The following UBE2K variants were observed in gnomAD, a reference collection of about 807,000 sequenced individuals.
UBE2K encodes ubiquitin-conjugating enzyme E2 K.
A neutral mutation model predicts 30.0 loss-of-function variants in UBE2K; 6 were observed. The ratio of observed to expected loss-of-function variants is 0.20; its 90% CI spans 0.11 to 0.39. The LOEUF (loss-of-function observed/expected upper bound fraction) is 0.39. Among genes scored for constraint, UBE2K ranks in the 10% least tolerant of loss-of-function variants. The pLI, the probability that UBE2K is intolerant of heterozygous loss-of-function variation, is 1.00. For missense variants in UBE2K, 61 were observed against 241.6 expected (o/e 0.25, Z 4.96); for synonymous variants, 86 against 83.7 (o/e 1.03, Z -0.15).
intron 1 of UBE2K, among the ~76,000 whole-genome samples, chr4:39,703,089 T>G (rs4403062): frequency 0.3 from 45,336 of 151,864 alleles, 8,675 homozygotes; most frequent in African/African-American, 0.54. Context: ...CACCTCCTGG[T>G]TGCAAGCCAT....
intron 1 of UBE2K, among the ~76,000 whole-genome samples, chr4:39,727,780 G>A (rs757708430): frequency 3.9e-5 from 6 of 152,058 alleles, no homozygotes; most frequent in African/African-American, 7.2e-5. Context: ...ATTGTGTCAT[G>A]GTGTAAATGG....
chr4:39,770,968 G>A lies in UBE2K; in HGVS notation c.300-3866G>A. ...CTTCGGGGCTGGCTTTGGGGTCCTG[G>A]CTGGAGGGAGGAGGGACTTGTTGGC... On this transcript the variant is annotated intron_variant, in intron 4 of 6. Transcript: ENST00000261427. 4 of 1,596,878 alleles carry A rather than the reference G, an allele frequency of 2.5e-6. No homozygotes were observed. The South Asian group carries it at 4.5e-5, about 18-fold the overall frequency.
At chr4:39,728,253 G>C (rs771236909) in intron 1 of UBE2K, among the ~76,000 whole-genome samples, 133 of 152,164 alleles carry the variant, frequency 8.7e-4, no homozygotes, top group Non-Finnish European at 1.6e-3. Flanking sequence ...TGGTAAGCAC[G>C]TAAGTTTGTT....
chr4:39,734,159 G>A (rs1390630469), intron 1 of UBE2K, among the ~76,000 whole-genome samples: 2 of 144,660 alleles, frequency 1.4e-5, no homozygotes, highest in Non-Finnish European at 3.0e-5. Context: ...AAACTGGAGT[G>A]CAATGGCGAA....
At chr4:39,752,112 C>T (rs1005048688) in intron 3 of UBE2K, among the ~76,000 whole-genome samples, 5 of 152,282 alleles carry the variant, frequency 3.3e-5, no homozygotes, top group Admixed American at 2.6e-4. Flanking sequence ...TACTAAACCA[C>T]ATGGGGTTTT....
intron 3 of UBE2K, among the ~76,000 whole-genome samples, chr4:39,751,823 C>T (rs752422327): frequency 1.3e-5 from 2 of 152,046 alleles, no homozygotes; most frequent in Admixed American, 1.3e-4. Flanking sequence ...AAAAATTAGT[C>T]GGGTGTGGTG....
At chr4:39,711,373 T>G (rs911914880) in intron 1 of UBE2K, among the ~76,000 whole-genome samples, 2 of 151,462 alleles carry the variant, frequency 1.3e-5, no homozygotes, top group African/African-American at 2.4e-5. Context: ...CGTGTTAGCC[T>G]GGATGGTCTC....
intron 1 of UBE2K, among the ~76,000 whole-genome samples, chr4:39,712,913 T>G (rs1394666685): frequency 1.3e-5 from 2 of 151,836 alleles, no homozygotes; most frequent in African/African-American, 4.8e-5. Context: ...TCGCCCAGAC[T>G]GGAGTGCCGT....
At chr4:39,727,489 A>G (rs998676487) in intron 1 of UBE2K, among the ~76,000 whole-genome samples, 1 of 151,734 alleles carries the variant, frequency 6.6e-6, no homozygotes, top group Non-Finnish European at 1.5e-5. Flanking sequence ...AGCCTCCCGC[A>G]TTGCTGGGAC....
At chr4:39,746,942 C>T (rs1222337966) in intron 3 of UBE2K, among the ~76,000 whole-genome samples, 1 of 152,164 alleles carries the variant, frequency 6.6e-6, no homozygotes, top group African/African-American at 2.4e-5. Flanking sequence ...GCTCCTGAGT[C>T]ATATAGGTCT....
rs921673235 is a variant in UBE2K at position 39,727,595 on chromosome 4, A to G, written c.64-9825A>G. 8.0e-5 allele frequency among the ~76,000 whole-genome samples: 12 copies of G among 149,632 alleles called. No individual in the cohort carries two copies. In the East Asian group the frequency reaches 2.0e-3, roughly 24 times the overall value. On this transcript the variant is annotated intron_variant, in intron 1 of 6. Transcript: ENST00000261427. ...GGACTGATCTTTTTTTTTTTTTTCC[A>G]TAAGGATAGAGATGGGCTGGTCTTG...
chr4:39,769,242 G>GT (rs1712575097), intron 4 of UBE2K, among the ~76,000 whole-genome samples: 2 of 80,208 alleles, frequency 2.5e-5, no homozygotes, highest in Non-Finnish European at 5.4e-5. Context: ...TTTGTTTTTT[G>GT]TTTTTTATTT....
rs960246342 is a variant in UBE2K, at chr4:39,757,004, TTTTTTTGTTTTTTG to T, written c.299+1286_299+1299del. Among the ~76,000 whole-genome samples, 9 of 137,830 alleles carry T rather than the reference TTTTTTTGTTTTTTG, an allele frequency of 6.5e-5. 3 individuals are homozygous for T. Among genetic ancestry groups the T allele is most frequent in the Non-Finnish European group, 1.1e-4 (7 of 64,378 alleles). The allele number at this position is 137,830 out of a possible 152,430, so 90.4% of individuals were successfully genotyped here. ...TTAAGCTATGTTTTTTTGGGTGTTTTTTTTTTGTTTTTTGTTTTTTGTTTTTTGTTTTTTTTTTG... is the reference window on the plus strand; with the variant it reads ...TTAAGCTATGTTTTTTTGGGTGTTTTTTTTTTGTTTTTTGTTTTTTTTTTG... On this transcript the variant is annotated intron_variant, in intron 4 of 6. Coordinates refer to ENST00000261427, the MANE Select transcript of UBE2K (RefSeq NM_005339.5).
intron 1 of UBE2K, 78 bp downstream of exon 1, chr4:39,698,468 C>G: frequency 5.8e-6 from 8 of 1,376,872 alleles, no homozygotes; most frequent in Non-Finnish European, 7.1e-6. Context: ...CCGATATCCC[C>G]GGTAGTCCCT....
intron 5 of UBE2K, among the ~76,000 whole-genome samples, 177 bp downstream of exon 5, chr4:39,775,110 CT>C (rs1713208619): frequency 6.6e-6 from 1 of 152,154 alleles, no homozygotes; most frequent in South Asian, 2.1e-4. Flanking sequence ...TTTTAACATC[CT>C]AGTTTAATTG....
At chr4:39,717,649 T>C (rs1719157973) in intron 1 of UBE2K, among the ~76,000 whole-genome samples, 1 of 152,228 alleles carries the variant, frequency 6.6e-6, no homozygotes, top group Non-Finnish European at 1.5e-5. Flanking sequence ...GTCAAAACCT[T>C]TATACTGTTG....
chr4:39,771,519 G>C, intron 4 of UBE2K: 1 of 1,402,478 alleles, frequency 7.1e-7, no homozygotes. Context: ...CGCGGGGCCG[G>C]AAGCGCCCCC....
intron 1 of UBE2K, among the ~76,000 whole-genome samples, chr4:39,715,602 G>A (rs914287503): frequency 6.6e-6 from 1 of 152,162 alleles, no homozygotes; most frequent in African/African-American, 2.4e-5. Context: ...CACCCACCGT[G>A]CCTGGCCCTG....
At chr4:39,770,525 C>A (rs1298518535) in intron 4 of UBE2K, 2 of 1,604,616 alleles carry the variant, frequency 1.2e-6, no homozygotes, top group African/African-American at 1.3e-5. Flanking sequence ...TGCCCCCCGC[C>A]CCCCGGGCAA....
Sources: allele counts gnomAD v4.1 joint callset (sites outside exome capture counted in the v4.1 genomes callset), GRCh38; gene constraint gnomAD v4.1.1; transcripts MANE v1.5; gene names NCBI Gene and HGNC (gene_info 2026-07-23, HGNC 2026-07-21).